Variants in FHIP2A observed in about 807,000 individuals in gnomAD.
FHIP2A encodes FHF complex subunit HOOK interacting protein 2A.
A neutral mutation model predicts 93.5 loss-of-function variants in FHIP2A; 46 were observed. That is an observed-to-expected ratio of 0.49 (90% CI 0.39 to 0.63). The LOEUF (loss-of-function observed/expected upper bound fraction) is 0.63. Ranked by LOEUF, FHIP2A falls within the 20% of genes least tolerant of loss-of-function variation. The pLI is 0.00. For missense variants in FHIP2A, 769 were observed against 909.7 expected, an observed-to-expected ratio of 0.85 and a Z score of 1.99; for synonymous variants, 332 against 326.5, an observed-to-expected ratio of 1.02 and a Z score of -0.18.
chr10:114,856,320 G>A (rs888229624), intron 14 of FHIP2A, among the ~76,000 whole-genome samples: 3 of 151,508 alleles, frequency 2.0e-5, no homozygotes, highest in African/African-American at 7.3e-5. Flanking sequence ...CCTCTTAATA[G>A]CATTCGCTGT....
At chr10:114,837,914 A>G (rs534374535) in intron 5 of FHIP2A, among the ~76,000 whole-genome samples, 1 of 152,346 alleles carries the variant, frequency 6.6e-6, no homozygotes, top group Non-Finnish European at 1.5e-5. Flanking sequence ...TCCATACACC[A>G]GTGAGGGACT....
At chr10:114,892,382 C>T (rs2083979503) in intron 16 of FHIP2A, among the ~76,000 whole-genome samples, 2 of 152,252 alleles carry the variant, frequency 1.3e-5, no homozygotes, top group South Asian at 4.2e-4. Context: ...TGCGGTGGCT[C>T]ACGCCTGTAA....
downstream of FHIP2A, among the ~76,000 whole-genome samples, chr10:114,869,083 T>G (rs1367511120): frequency 6.6e-6 from 1 of 152,180 alleles, no homozygotes; most frequent in East Asian, 1.9e-4. Flanking sequence ...AAAATCAATT[T>G]TACTATAATG....
At chr10:114,898,228 T>C (rs1234862832) in intron 16 of FHIP2A, among the ~76,000 whole-genome samples, 2 of 152,216 alleles carry the variant, frequency 1.3e-5, no homozygotes, top group Non-Finnish European at 2.9e-5. Flanking sequence ...CAGCCAGCAC[T>C]GTGTACAGCT....
At chr10:114,878,003 C>G (rs1012728339) in intron 16 of FHIP2A, among the ~76,000 whole-genome samples, 7 of 152,018 alleles carry the variant, frequency 4.6e-5, no homozygotes, top group African/African-American at 7.3e-5. Flanking sequence ...CACCTTCCCC[C>G]CAATATATAG....
chr10:114,857,314 C>CTTTTTTTTTTTT (rs78583275), intron 14 of FHIP2A, among the ~76,000 whole-genome samples: 3 of 120,704 alleles, frequency 2.5e-5, no homozygotes, highest in Non-Finnish European at 3.6e-5. Context: ...ATTTCTTCTT[C>CTTTTTTTTTTTT]TTTTTTTTTT....
chr10:114,862,088 T>G lies in FHIP2A; in HGVS notation c.*548T>G, dbSNP rs541116909. The G allele has an allele frequency of 1.0e-6, 1 of 954,070 alleles. No individual in the cohort carries two copies. Among genetic ancestry groups the G allele is most frequent in the African/African-American group, 1.8e-5 (1 of 56,590 alleles). 59.1% of individuals were successfully genotyped at this position (954,070 alleles called of 1,614,324 possible). ...ATTAATTATAGGCGATAAAAATGTG[T>G]AGAGCACCATTAACTTTCTTCAGCT... is the stretch of plus-strand genomic sequence containing the variant. On this transcript the variant is annotated 3_prime_UTR_variant, in exon 17 of 17. Transcript: ENST00000369248.
chr10:114,889,869 G>A lies in FHIP2A; in HGVS notation c.2193-9621G>A, dbSNP rs186790242. Among the ~76,000 whole-genome samples, 115 of 152,234 alleles carry A rather than the reference G, an allele frequency of 7.6e-4. No individual in the cohort carries two copies. The East Asian group carries it at 8.9e-3, about 12-fold the overall frequency. On this transcript the variant is annotated intron_variant, in intron 16 of 16. Coordinates refer to the FHIP2A transcript ENST00000369250. ...CTCGCCTTAGCCTCTGTCCCTTAGC[G>A]TTCCTCCCTCAAGCATCTTCAGGGC...
At chr10:114,884,911 C>CA (rs35889495) in intron 16 of FHIP2A, among the ~76,000 whole-genome samples, 64,525 of 123,820 alleles carry the variant, frequency 0.52, 15,443 homozygotes, top group African/African-American at 0.58. Context: ...GAGACTCCAT[C>CA]AAAAAAAAAA....
intron 1 of FHIP2A, among the ~76,000 whole-genome samples, chr10:114,830,566 C>T (rs1359603388): frequency 1.3e-5 from 2 of 151,956 alleles, no homozygotes; most frequent in African/African-American, 4.8e-5. Context: ...GCCACTGCCC[C>T]CAGCCTGAAA....
chr10:114,863,469 T>C lies in FHIP2A; in HGVS notation c.*1929T>C, dbSNP rs183550317. 5 of 1,123,280 alleles carry C rather than the reference T, an allele frequency of 4.5e-6. No individual in the cohort carries two copies. The highest frequency in any genetic ancestry group is 1.7e-5 in the African/African-American group (1 of 60,030). The allele number at this position is 1,123,280 out of a possible 1,614,324, so 69.6% of individuals were successfully genotyped here. On this transcript the variant is annotated 3_prime_UTR_variant, in exon 17 of 17. Coordinates refer to ENST00000369248, the MANE Select transcript of FHIP2A (RefSeq NM_020940.4). ...TTCCACTATGGGACCTTATAACTAG[T>C]CCATGAAACCAAGCTCAGAAAAGCT...
Position 114,836,195 on chromosome 10 carries a change from T to A in FHIP2A, c.471T>A (p.Ile157=). ...ATGAAGAGATTCAGTTTCTTTGCATTGTGTGTGCGAAGCTGAAACAGGACC... is the reference window on the plus strand; with the variant it reads ...ATGAAGAGATTCAGTTTCTTTGCATAGTGTGTGCGAAGCTGAAACAGGACC... ...TENEEIQFLC[I]VCAKLKQDPY... The change falls in exon 5 of 17, where the codon ATT becomes ATA. Residue 157 remains isoleucine (I), a synonymous_variant. Transcript: ENST00000369248. 2 of 1,603,528 alleles carry A rather than the reference T, an allele frequency of 1.2e-6. No homozygotes were observed.
chr10:114,872,349 G>A (rs529881652), intron 16 of FHIP2A, among the ~76,000 whole-genome samples: 2 of 152,098 alleles, frequency 1.3e-5, no homozygotes, highest in South Asian at 2.1e-4. Context: ...CAGTCAATGC[G>A]TTTTCTCATA....
At chr10:114,890,265 T>A (rs888742272) in intron 16 of FHIP2A, among the ~76,000 whole-genome samples, 2 of 151,956 alleles carry the variant, frequency 1.3e-5, no homozygotes, top group Admixed American at 6.6e-5. Context: ...TGACCTCAAG[T>A]GATCCACCCA....
At chr10:114,860,581 A>G (rs1000248257) in intron 14 of FHIP2A, among the ~76,000 whole-genome samples, 168 bp from the exon 15 acceptor site, 1 of 151,806 alleles carries the variant, frequency 6.6e-6, no homozygotes, top group Admixed American at 6.6e-5. Context: ...CGAACTCCCA[A>G]CCTCAGGTGA....
At position 114,855,201 on chromosome 10, in the gene FHIP2A, G is replaced by A. The variant is rs757060660; in HGVS notation, c.1808G>A (p.Arg603Gln). 1.4e-5 allele frequency: 23 copies of A among 1,609,530 alleles called. No homozygotes were observed. The highest frequency in any genetic ancestry group is 1.7e-4 in the Middle Eastern group (1 of 6,060). ...TYLRDAHRQF[R>Q]DYCAICLRWE... ...CACATGCTTTTTTCCCCCTAGTTCC[G>A]AGACTACTGTGCTATCTGCTTAAGA... The change falls in exon 14 of 17, where the codon CGA (arginine) becomes CAA (glutamine). Residue 603 changes from arginine (R) to glutamine (Q), a missense_variant. By Grantham distance (43) the Arg-to-Gln change is conservative. Transcript: ENST00000369248.
At chr10:114,884,526 G>A (rs892750873) in intron 16 of FHIP2A, among the ~76,000 whole-genome samples, 6 of 152,118 alleles carry the variant, frequency 3.9e-5, no homozygotes, top group Admixed American at 3.9e-4. Flanking sequence ...AAAGAAAATA[G>A]CTCTGTGCCA....
downstream of FHIP2A, among the ~76,000 whole-genome samples, chr10:114,869,340 C>T (rs1253012442): frequency 2.0e-5 from 3 of 152,258 alleles, no homozygotes; most frequent in Middle Eastern, 6.8e-3. Context: ...GTATGCTCTT[C>T]TACTTAAATC....
At chr10:114,829,715 C>G (rs1446797875) in intron 1 of FHIP2A, among the ~76,000 whole-genome samples, 1 of 152,160 alleles carries the variant, frequency 6.6e-6, no homozygotes, top group African/African-American at 2.4e-5. Flanking sequence ...AGCTCCTGTT[C>G]AAGATGGAGT....
Sources: allele counts gnomAD v4.1 joint callset (sites outside exome capture counted in the v4.1 genomes callset), GRCh38; gene constraint gnomAD v4.1.1; transcripts MANE v1.5; gene names NCBI Gene and HGNC (gene_info 2026-07-23, HGNC 2026-07-21).